Variants in CDH4 observed in about 807,000 individuals in gnomAD.
The protein encoded by CDH4 is cadherin-4.
In CDH4, 33 loss-of-function variants were observed where a neutral mutation model predicts 86.0. That is an observed-to-expected ratio of 0.38 (90% confidence interval 0.29 to 0.51). The LOEUF is 0.51. Among genes scored for constraint, CDH4 ranks in the 20% least tolerant of loss-of-function variants. The probability of loss-of-function intolerance (pLI) is 0.86; values close to 1 mark genes in which losing one functional copy is unlikely to be tolerated. For missense variants in CDH4, 1,114 were observed against 1,307.4 expected, an observed-to-expected ratio of 0.85 and a Z score of 2.28; for synonymous variants, 555 against 549.4, an observed-to-expected ratio of 1.01 and a Z score of -0.14.
At chr20:61,545,451 C>T (rs1024016160) in intron 2 of CDH4, among the ~76,000 whole-genome samples, 2 of 152,240 alleles carry the variant, frequency 1.3e-5, no homozygotes, top group African/African-American at 4.8e-5. Flanking sequence ...CTGACCCCGG[C>T]GCTCCCCAGG....
intron 2 of CDH4, among the ~76,000 whole-genome samples, chr20:61,267,757 T>G (rs779968745): frequency 1.6e-4 from 24 of 152,124 alleles, no homozygotes; most frequent in Non-Finnish European, 3.1e-4. Context: ...CCTCTGCTGA[T>G]GAGATGTGGA....
intron 2 of CDH4, among the ~76,000 whole-genome samples, chr20:61,264,622 A>C: frequency 6.8e-6 from 1 of 148,144 alleles, no homozygotes; most frequent in South Asian, 2.2e-4. Context: ...TCCTACACAT[A>C]TCTCAGTGGT....
chr20:61,726,490 G>T (rs180746888), intron 2 of CDH4, among the ~76,000 whole-genome samples: 4 of 152,262 alleles, frequency 2.6e-5, no homozygotes, highest in African/African-American at 9.6e-5. Context: ...GGCATTGTGG[G>T]GACCTAGTGA....
intron 2 of CDH4, among the ~76,000 whole-genome samples, chr20:61,658,941 A>G (rs1267285238): frequency 6.6e-6 from 1 of 152,172 alleles, no homozygotes; most frequent in East Asian, 1.9e-4. Context: ...AGATCTCCCT[A>G]CATCTGTGGC....
At chr20:61,287,321 A>G (rs2084298706) in intron 2 of CDH4, among the ~76,000 whole-genome samples, 1 of 152,148 alleles carries the variant, frequency 6.6e-6, no homozygotes, top group Admixed American at 6.5e-5. Context: ...ACACTAATAT[A>G]AAACATAGCT....
At chr20:61,890,651 G>A (rs1984781428) in intron 7 of CDH4, among the ~76,000 whole-genome samples, 1 of 152,180 alleles carries the variant, frequency 6.6e-6, no homozygotes, top group Non-Finnish European at 1.5e-5. Flanking sequence ...GAGAAAGGAA[G>A]AAGGGGAGCA....
At chr20:61,831,498 C>T (rs11696233) in intron 4 of CDH4, among the ~76,000 whole-genome samples, 66,920 of 152,298 alleles carry the variant, frequency 0.44, 16,777 homozygotes, top group Non-Finnish European at 0.58. Flanking sequence ...CACAGCCAGG[C>T]CTGACACCCC....
At chr20:61,400,447 C>T (rs1300413513) in intron 2 of CDH4, among the ~76,000 whole-genome samples, 1 of 152,218 alleles carries the variant, frequency 6.6e-6, no homozygotes, top group African/African-American at 2.4e-5. Flanking sequence ...GTCCTCCTTG[C>T]AGCCTAGATG....
At chr20:61,733,830 C>T (rs1371970482) in intron 2 of CDH4, among the ~76,000 whole-genome samples, 1 of 152,226 alleles carries the variant, frequency 6.6e-6, no homozygotes, top group East Asian at 1.9e-4. Context: ...TCACCTCTGG[C>T]TCATTTGATC....
At chr20:61,922,991 C>A (rs2054998664) in intron 9 of CDH4, among the ~76,000 whole-genome samples, 1 of 152,220 alleles carries the variant, frequency 6.6e-6, no homozygotes, top group South Asian at 2.1e-4. Context: ...AATAAGGGCT[C>A]ATTCACAGGT....
chr20:61,333,207 G>A lies in CDH4; in HGVS notation c.169+78270G>A, dbSNP rs150734585. 7.2e-3 allele frequency among the ~76,000 whole-genome samples: 1,100 copies of A among 152,132 alleles called. 10 individuals are homozygous for A. The highest frequency in any genetic ancestry group is 0.017 in the Middle Eastern group (5 of 294). ...GACAACTGCTTGTAATCACACACACGTATACACGTGCAGACACGCATGCAC... is the reference window on the plus strand; with the variant it reads ...GACAACTGCTTGTAATCACACACACATATACACGTGCAGACACGCATGCAC... On this transcript the variant is annotated intron_variant, in intron 2 of 15. Transcript: ENST00000614565.
At chr20:61,617,189 C>T (rs527481852) in intron 2 of CDH4, among the ~76,000 whole-genome samples, 40 of 152,330 alleles carry the variant, frequency 2.6e-4, no homozygotes, top group African/African-American at 8.7e-4. Context: ...TCAGAACATG[C>T]AGCCTGTCTG....
chr20:61,764,524 C>G (rs6061808), intron 3 of CDH4, among the ~76,000 whole-genome samples: 39,467 of 151,958 alleles, frequency 0.26, 5,320 homozygotes, highest in South Asian at 0.33. Flanking sequence ...ACCATGAGAC[C>G]ACCCAGACCC....
intron 2 of CDH4, among the ~76,000 whole-genome samples, chr20:61,597,583 G>C (rs549397350): frequency 1.3e-5 from 2 of 152,344 alleles, no homozygotes; most frequent in South Asian, 4.1e-4. Context: ...ATCTGCACAG[G>C]ATGGACCGGG....
chr20:61,461,050 A>G (rs1286568615), intron 2 of CDH4, among the ~76,000 whole-genome samples: 4 of 152,196 alleles, frequency 2.6e-5, no homozygotes, highest in Admixed American at 6.5e-5. Context: ...GCTGAAGACC[A>G]GGTTCCTAAT....
intron 2 of CDH4, among the ~76,000 whole-genome samples, chr20:61,669,257 C>T (rs997555675): frequency 1.3e-5 from 2 of 152,172 alleles, no homozygotes; most frequent in Admixed American, 6.5e-5. Flanking sequence ...GAGCCAGTCC[C>T]GTGGAGGATG....
At chr20:61,497,052 T>C (rs1397891005) in intron 2 of CDH4, among the ~76,000 whole-genome samples, 1 of 150,732 alleles carries the variant, frequency 6.6e-6, no homozygotes, top group East Asian at 2.0e-4. Flanking sequence ...TGAATAAGCC[T>C]CTTACGTTCA....
chr20:61,901,952 GAGAT>G (rs1480918663), intron 8 of CDH4, among the ~76,000 whole-genome samples: 1 of 152,204 alleles, frequency 6.6e-6, no homozygotes, highest in Non-Finnish European at 1.5e-5. Context: ...TCATCTTTAT[GAGAT>G]ATTGACTCAC....
At chr20:61,312,085 TATGTATGTGC>T (rs2084448711) in intron 2 of CDH4, among the ~76,000 whole-genome samples, 1 of 152,050 alleles carries the variant, frequency 6.6e-6, no homozygotes, top group African/African-American at 2.4e-5. Context: ...GTGGTGTGTA[TATGTATGTGC>T]ATGTGTGTGA....
Sources: allele counts gnomAD v4.1 joint callset (sites outside exome capture counted in the v4.1 genomes callset), GRCh38; gene constraint gnomAD v4.1.1; transcripts MANE v1.5; gene names NCBI Gene and HGNC (gene_info 2026-07-23, HGNC 2026-07-21).